The following PGD variants were observed in gnomAD, a reference collection of about 807,000 sequenced individuals.
PGD encodes the protein phosphogluconate dehydrogenase.
Under a neutral mutation model 60.4 loss-of-function variants are expected in PGD, and 21 were observed. That is an observed-to-expected ratio of 0.35 (90% CI 0.25 to 0.50). PGD has a LOEUF of 0.50. Among genes scored for constraint, PGD ranks in the 20% least tolerant of loss-of-function variants. PGD has a pLI of 0.98. For missense variants in PGD, 477 were observed against 613.1 expected, an observed-to-expected ratio of 0.78 and a Z score of 2.34; for synonymous variants, 230 against 235.9, an observed-to-expected ratio of 0.97 and a Z score of 0.23.
chr1:10,399,494 T>C, intron 1 of PGD, 135 bp from the exon 2 acceptor site: 2 of 811,908 alleles, frequency 2.5e-6, no homozygotes, highest in Admixed American at 2.3e-5. Context: ...CGCGCCCGGC[T>C]TCTGGGGGCC....
At chr1:10,403,580 A>C (rs969827877) in intron 4 of PGD, among the ~76,000 whole-genome samples, 1 of 137,256 alleles carries the variant, frequency 7.3e-6, no homozygotes, top group Non-Finnish European at 1.5e-5. Context: ...GACAGAGTGA[A>C]ACTCCATCTG....
chr1:10,401,492 G>A (rs1428706530), intron 3 of PGD, among the ~76,000 whole-genome samples: 4 of 152,172 alleles, frequency 2.6e-5, no homozygotes, highest in Admixed American at 6.5e-5. Context: ...CAGTGGGGTT[G>A]TTTCCACAGG....
chr1:10,399,379 A>G, intron 1 of PGD: 1 of 514,724 alleles, frequency 1.9e-6, no homozygotes, highest in Non-Finnish European at 3.3e-6. Flanking sequence ...AGGCGCGGCC[A>G]GGCCTCGCCG....
chr1:10,399,819 TGCTGC>T, intron 2 of PGD, 115 bp downstream of exon 2: 1 of 886,970 alleles, frequency 1.1e-6, no homozygotes, highest in African/African-American at 1.6e-5. Flanking sequence ...TGTGCTCTGT[TGCTGC>T]TCGTGGCATT....
chr1:10,400,149 G>A (rs1639290718), intron 2 of PGD: 1 of 508,724 alleles, frequency 2.0e-6, no homozygotes, highest in Non-Finnish European at 3.5e-6. Flanking sequence ...GTCCTAACAC[G>A]TTGGGTGTGG....
chr1:10,419,758 C>T lies in PGD; in HGVS notation c.*9C>T, dbSNP rs752016513. ...CGTCATACAATGCCTGATCATGCTG[C>T]TCCTGTCACCCTCCACGATTCCACA... On this transcript the variant is annotated 3_prime_UTR_variant, in exon 13 of 13. Transcript: ENST00000270776. The T allele has an allele frequency of 5.0e-6, 8 of 1,614,022 alleles. No homozygotes were observed. The highest frequency in any genetic ancestry group is 1.3e-5 in the African/African-American group (1 of 74,944).
chr1:10,416,990 A>G lies in PGD; in HGVS notation c.848A>G (p.Glu283Gly). 1 of 1,613,402 alleles carries G rather than the reference A, an allele frequency of 6.2e-7. No homozygotes were observed. The highest frequency in any genetic ancestry group is 1.1e-5 in the South Asian group (1 of 91,060). Residue 283 changes from glutamate to glycine, a missense_variant, in exon 9 of 13, where the codon GAA becomes GGA. Transcript: ENST00000270776. Reference protein sequence around the residue: ...EYGVPVTLIGEAVFARCLSSL... With the variant: ...EYGVPVTLIGGAVFARCLSSL... Reference sequence around the variant, plus strand: ...TCTTCCCGATCTCCCCATGTAGGAGAAGCTGTCTTTGCTCGGTGCTTATCA... The same window carrying G: ...TCTTCCCGATCTCCCCATGTAGGAGGAGCTGTCTTTGCTCGGTGCTTATCA...
At chr1:10,403,860 G>C (rs1293147732) in intron 4 of PGD, among the ~76,000 whole-genome samples, 1 of 152,142 alleles carries the variant, frequency 6.6e-6, no homozygotes, top group Non-Finnish European at 1.5e-5. Flanking sequence ...CTTATTCAAG[G>C]TCTTTTCCAG....
At position 10,404,208 on chromosome 1, in the gene PGD, C is replaced by T. The variant is rs1239998242; in HGVS notation, c.378C>T (p.Ser126=). 4 of 1,613,560 alleles carry T rather than the reference C, an allele frequency of 2.5e-6. No individual in the cohort carries two copies. Among genetic ancestry groups the T allele is most frequent in the Non-Finnish European group, 1.7e-6 (2 of 1,179,816 alleles). ...CCAAGGGAATTTTATTTGTGGGGAG[C>T]GGAGTCAGTGGTGGAGAGGAAGGGG... ...LKAKGILFVG[S]GVSGGEEGAR... is the part of the protein sequence containing the mutation. The change falls in exon 5 of 13, where the codon AGC becomes AGT. Residue 126 remains serine (S), a synonymous_variant. Coordinates refer to ENST00000270776, the MANE Select transcript of PGD (RefSeq NM_002631.4).
At chr1:10,400,711 T>G in intron 3 of PGD, 139 bp downstream of exon 3, 1 of 659,694 alleles carries the variant, frequency 1.5e-6, no homozygotes, top group African/African-American at 1.8e-5. Flanking sequence ...GCTTAACTGT[T>G]GCAGTGTTGG....
At chr1:10,402,236 T>C (rs996681403) in intron 3 of PGD, among the ~76,000 whole-genome samples, 3 of 152,050 alleles carry the variant, frequency 2.0e-5, no homozygotes, top group African/African-American at 7.2e-5. Context: ...GTTTAATCTG[T>C]ATACTTACTT....
intron 5 of PGD, among the ~76,000 whole-genome samples, chr1:10,404,649 G>T (rs1213478678): frequency 6.6e-6 from 1 of 151,962 alleles, no homozygotes; most frequent in African/African-American, 2.4e-5. Context: ...ACAGGCACAT[G>T]CCACCATGCC....
At chr1:10,408,816 C>T (rs947414762) in intron 6 of PGD, among the ~76,000 whole-genome samples, 1 of 152,188 alleles carries the variant, frequency 6.6e-6, no homozygotes, top group Non-Finnish European at 1.5e-5. Context: ...ACCATGTCAC[C>T]CAGGCTGGTC....
At chr1:10,402,132 C>G (rs762265080) in intron 3 of PGD, among the ~76,000 whole-genome samples, 1 of 152,098 alleles carries the variant, frequency 6.6e-6, no homozygotes, top group African/African-American at 2.4e-5. Flanking sequence ...TCCTGACCTC[C>G]GAACTGTTGT....
At chr1:10,408,044 A>G (rs757898089) in intron 5 of PGD, 27 bp from the exon 6 acceptor site, 1 of 1,461,396 alleles carries the variant, frequency 6.8e-7, no homozygotes, top group Non-Finnish European at 9.6e-7. Flanking sequence ...CTTCTCATTA[A>G]CTGAACCACA....
At position 10,399,719 on chromosome 1, in the gene PGD, C is replaced by T. The variant is rs1467050979; in HGVS notation, c.84+15C>T. 1.9e-6 allele frequency: 3 copies of T among 1,612,466 alleles called. No homozygotes were observed. Among genetic ancestry groups the T allele is most frequent in the Admixed American group, 3.3e-5 (2 of 60,016 alleles). On this transcript the variant is annotated intron_variant, in intron 2 of 12. Transcript: ENST00000270776. ...ACGGCTTTGTGGTAAGCGGCGTGGG[C>T]GCGTTGTCTTCTCTCTGGTTCCCGG... is the stretch of plus-strand genomic sequence containing the variant.
At chr1:10,408,364 C>T (rs1639443489) in intron 6 of PGD, among the ~76,000 whole-genome samples, 1 of 152,074 alleles carries the variant, frequency 6.6e-6, no homozygotes, top group South Asian at 2.1e-4. Context: ...TTAAAAGCAG[C>T]CTTCTATAAT....
chr1:10,419,978 G>GCCCACTCTCCT lies in PGD; in HGVS notation c.*229_*230insCCCACTCTCCT. 1 of 534,026 alleles carries GCCCACTCTCCT rather than the reference G, an allele frequency of 1.9e-6. No homozygotes were observed. Among genetic ancestry groups the GCCCACTCTCCT allele is most frequent in the Non-Finnish European group, 3.4e-6 (1 of 297,820 alleles). The allele number at this position is 534,026 out of a possible 1,614,324, so 33.1% of individuals were successfully genotyped here. ...CCAGGAGCTGCTCATGTGCGTGAGA[G>GCCCACTCTCCT]TGGGAACCATCTCCTTGCGGCAGTG... On this transcript the variant is annotated 3_prime_UTR_variant, in exon 13 of 13. Transcript: ENST00000270776.
chr1:10,401,253 A>T (rs1300680540), intron 3 of PGD, among the ~76,000 whole-genome samples: 1 of 152,228 alleles, frequency 6.6e-6, no homozygotes, highest in East Asian at 1.9e-4. Flanking sequence ...AGGGAACTGG[A>T]TGCTTATTTT....
Sources: gnomAD v4.1 joint callset for allele counts (sites outside exome capture counted in the v4.1 genomes callset) on GRCh38, gnomAD v4.1.1 for gene constraint, MANE v1.5 for transcripts, NCBI Gene and HGNC (gene_info 2026-07-23, HGNC 2026-07-21) for gene names.